Variants in SLC14A2 observed in about 807,000 individuals in gnomAD.
The protein encoded by SLC14A2 is solute carrier family 14 member 2, also known as urea transporter 2.
In SLC14A2, 91 loss-of-function variants were observed where a neutral mutation model predicts 104.6. That is an observed-to-expected ratio of 0.87 (90% CI 0.73 to 1.04). The LOEUF is 1.04. SLC14A2 is among the 50% of genes least tolerant of loss of function. SLC14A2 has a pLI of 0.00. For synonymous variants in SLC14A2, 476 were observed against 466.4 expected (o/e 1.02, Z -0.27); for missense variants, 1,189 against 1,156.0 (o/e 1.03, Z -0.41).
intron 1 of SLC14A2, among the ~76,000 whole-genome samples, chr18:45,288,676 C>T (rs2084839546): frequency 6.6e-6 from 1 of 152,216 alleles, no homozygotes. Flanking sequence ...ATAGTTCCTT[C>T]CTCATCCCAA....
chr18:45,612,550 A>G (rs1387023270), upstream of SLC14A2, among the ~76,000 whole-genome samples: 1 of 152,222 alleles, frequency 6.6e-6, no homozygotes, highest in African/African-American at 2.4e-5. Context: ...GCACTAAGCA[A>G]CTTGCATGCA....
chr18:45,673,860 T>A, intron 18 of SLC14A2, 43 bp downstream of exon 18: 1 of 1,589,840 alleles, frequency 6.3e-7, no homozygotes. Context: ...TATAAAAGGC[T>A]TTTTACATAA....
rs1568001523 is a variant in SLC14A2 at position 45,667,080 on chromosome 18, G to T, written c.1703G>T (p.Gly568Val). 1 of 1,613,684 alleles carries T rather than the reference G, an allele frequency of 6.2e-7. No homozygotes were observed. The highest frequency in any genetic ancestry group is 8.5e-7 in the Non-Finnish European group (1 of 1,179,764). Residue 568 changes from glycine to valine, a missense_variant, in exon 13 of 20, where the codon GGA becomes GTA. Transcript: ENST00000255226. ...SYITGEMKEC[G>V]EGLKDKSPVF... The stretch of plus-strand genomic sequence containing the variant: ...ATCACAGGAGAGATGAAGGAGTGTG[G>T]AGAGGGACTTAAAGGTAAAATTCTA...
intron 1 of SLC14A2, among the ~76,000 whole-genome samples, chr18:45,462,163 T>C (rs549579026): frequency 1.3e-5 from 2 of 152,364 alleles, no homozygotes; most frequent in East Asian, 3.9e-4. Flanking sequence ...TTTTCCCTCT[T>C]CAGCAGTTTC....
At chr18:45,655,829 T>G (rs1257147430) in intron 10 of SLC14A2, among the ~76,000 whole-genome samples, 2 of 152,232 alleles carry the variant, frequency 1.3e-5, no homozygotes, top group Non-Finnish European at 2.9e-5. Context: ...TAATTCTTAA[T>G]TTTTTTAATT....
At chr18:45,511,265 T>G (rs1264678228) in intron 2 of SLC14A2, among the ~76,000 whole-genome samples, 1 of 152,212 alleles carries the variant, frequency 6.6e-6, no homozygotes, top group East Asian at 1.9e-4. Context: ...CCTCCCCAAC[T>G]AGGTTATAGC....
intron 2 of SLC14A2, among the ~76,000 whole-genome samples, chr18:45,532,987 T>A (rs1440317579): frequency 6.6e-6 from 1 of 152,208 alleles, no homozygotes; most frequent in East Asian, 1.9e-4. Flanking sequence ...TCTGTTTATA[T>A]GCTGGATTAC....
intron 1 of SLC14A2, among the ~76,000 whole-genome samples, chr18:45,309,543 A>C (rs1041577336): frequency 6.7e-6 from 1 of 150,188 alleles, no homozygotes; most frequent in Non-Finnish European, 1.5e-5. Context: ...AATGTGTTCA[A>C]AATCAACCCC....
chr18:45,611,386 A>G (rs1599063263), upstream of SLC14A2, among the ~76,000 whole-genome samples: 2 of 152,178 alleles, frequency 1.3e-5, no homozygotes, highest in South Asian at 2.1e-4. Flanking sequence ...TTGAAAAGGA[A>G]GAAGGTAGCT....
intron 1 of SLC14A2, among the ~76,000 whole-genome samples, chr18:45,300,439 A>C (rs560251100): frequency 4.0e-5 from 6 of 148,760 alleles, no homozygotes; most frequent in African/African-American, 1.5e-4. Context: ...ACCCTCCCCA[A>C]AAAAAAAAAA....
At chr18:45,328,131 A>C (rs1027078343) in intron 1 of SLC14A2, among the ~76,000 whole-genome samples, 2 of 152,190 alleles carry the variant, frequency 1.3e-5, no homozygotes, top group Non-Finnish European at 2.9e-5. Flanking sequence ...AAGGCTTTAG[A>C]GCTCTCTGTT....
intron 1 of SLC14A2, among the ~76,000 whole-genome samples, chr18:45,260,334 C>T (rs1312924021): frequency 6.6e-6 from 1 of 152,140 alleles, no homozygotes; most frequent in Non-Finnish European, 1.5e-5. Flanking sequence ...TTCTGAGTCA[C>T]ATCATGAAGT....
the SLC14A2 span, among the ~76,000 whole-genome samples, chr18:45,180,762 T>C: frequency 6.6e-6 from 1 of 152,200 alleles, no homozygotes; most frequent in Non-Finnish European, 1.5e-5. Flanking sequence ...TGAAATGATA[T>C]TTTTGAAAAA....
At chr18:45,445,429 A>C (rs963129469) in intron 1 of SLC14A2, among the ~76,000 whole-genome samples, 2 of 152,080 alleles carry the variant, frequency 1.3e-5, no homozygotes, top group Non-Finnish European at 2.9e-5. Context: ...TTTTGATAGG[A>C]CGTAAGAGAC....
At chr18:45,256,579 C>G (rs184223002) in intron 1 of SLC14A2, among the ~76,000 whole-genome samples, 77 of 152,284 alleles carry the variant, frequency 5.1e-4, no homozygotes, top group African/African-American at 1.8e-3. Flanking sequence ...CGGTGGAAGG[C>G]ATCTTAATGG....
chr18:45,472,206 C>T (rs2705362), intron 1 of SLC14A2, among the ~76,000 whole-genome samples: 33,536 of 152,058 alleles, frequency 0.22, 4,027 homozygotes, highest in Non-Finnish European at 0.27. Flanking sequence ...GGAACATGAA[C>T]TCATTCTTTT....
At chr18:45,528,169 G>A (rs1383655945) in intron 2 of SLC14A2, 1 of 59,680 alleles carries the variant, frequency 1.7e-5, no homozygotes. Context: ...CACAACACCT[G>A]TGTGTGTGTG....
At chr18:45,611,898 T>C (rs1442660866), upstream of SLC14A2, among the ~76,000 whole-genome samples, 2 of 152,210 alleles carry the variant, frequency 1.3e-5, no homozygotes, top group East Asian at 1.9e-4. Context: ...CTTTGTAACA[T>C]ATAAAATACC....
intron 2 of SLC14A2, among the ~76,000 whole-genome samples, chr18:45,514,992 A>G (rs2043417639): frequency 6.6e-6 from 1 of 152,236 alleles, no homozygotes; most frequent in African/African-American, 2.4e-5. Flanking sequence ...GAAACATAAT[A>G]AGAAAATAAG....
Sources: gnomAD v4.1 joint callset for allele counts (sites outside exome capture counted in the v4.1 genomes callset) on GRCh38, gnomAD v4.1.1 for gene constraint, MANE v1.5 for transcripts, NCBI Gene and HGNC (gene_info 2026-07-23, HGNC 2026-07-21) for gene names.